The following AMBRA1 variants were observed in gnomAD, a reference collection of about 807,000 sequenced individuals.
AMBRA1 encodes the protein autophagy and beclin 1 regulator 1.
A neutral mutation model predicts 125.4 loss-of-function variants in AMBRA1; 47 were observed. The ratio of observed to expected loss-of-function variants is 0.37; its 90% CI spans 0.30 to 0.48. AMBRA1 has a LOEUF of 0.48. Among genes scored for constraint, AMBRA1 ranks in the 20% least tolerant of loss-of-function variants. The pLI, the probability that AMBRA1 is intolerant of heterozygous loss-of-function variation, is 0.99. For missense variants in AMBRA1, 1,331 were observed against 1,693.4 expected (o/e 0.79, Z 3.76); for synonymous variants, 626 against 655.5 (o/e 0.95, Z 0.69).
chr11:46,570,408 G>A (rs562700186), intron 1 of AMBRA1, among the ~76,000 whole-genome samples: 1 of 152,016 alleles, frequency 6.6e-6, no homozygotes, highest in East Asian at 1.9e-4. Flanking sequence ...AAAATGACAA[G>A]TGGAGATAAT....
chr11:46,586,093 T>C (rs1461887361), intron 1 of AMBRA1, among the ~76,000 whole-genome samples: 2 of 152,118 alleles, frequency 1.3e-5, no homozygotes, highest in African/African-American at 4.8e-5. Flanking sequence ...CATTAGCCAC[T>C]GCACCCAGCC....
chr11:46,464,979 G>A (rs1949261561), intron 11 of AMBRA1, among the ~76,000 whole-genome samples: 1 of 152,114 alleles, frequency 6.6e-6, no homozygotes, highest in African/African-American at 2.4e-5. Context: ...GGGAGGTGGA[G>A]GTTGCAGTGA....
intron 11 of AMBRA1, among the ~76,000 whole-genome samples, chr11:46,461,050 C>T (rs572403802): frequency 6.6e-6 from 1 of 152,176 alleles, no homozygotes; most frequent in Non-Finnish European, 1.5e-5. Context: ...CGAGACCAGC[C>T]TCAGCAATCT....
intron 11 of AMBRA1, among the ~76,000 whole-genome samples, chr11:46,486,135 C>A (rs1950260091): frequency 6.6e-6 from 1 of 152,176 alleles, no homozygotes; most frequent in Non-Finnish European, 1.5e-5. Context: ...ACCAGTACCA[C>A]CACCACTAAT....
chr11:46,408,322 T>C (rs1946123168), intron 17 of AMBRA1, among the ~76,000 whole-genome samples, 191 bp downstream of exon 17: 1 of 152,152 alleles, frequency 6.6e-6, no homozygotes, highest in South Asian at 2.1e-4. Context: ...ATCAGTGTAC[T>C]TGGTGGGAGT....
At chr11:46,456,090 G>C (rs183948804) in intron 11 of AMBRA1, among the ~76,000 whole-genome samples, 4 of 152,262 alleles carry the variant, frequency 2.6e-5, no homozygotes, top group Admixed American at 2.6e-4. Flanking sequence ...TCAAAGAAAT[G>C]AGTATCATTA....
chr11:46,452,332 G>T (rs527461497), intron 11 of AMBRA1, among the ~76,000 whole-genome samples: 3 of 151,998 alleles, frequency 2.0e-5, no homozygotes, highest in Non-Finnish European at 2.9e-5. Context: ...TTATTTTAAG[G>T]TTTTTTGTTG....
Position 46,400,473 on chromosome 11 carries a change from G to GTTTTTTTTTTTTTTTTTTTTTTTTTTTT in AMBRA1, c.3404-2558_3404-2531dup, listed in dbSNP as rs553040136. Among the ~76,000 whole-genome samples the GTTTTTTTTTTTTTTTTTTTTTTTTTTTT allele has an allele frequency of 6.1e-5, 3 of 48,892 alleles. 1 individual carries two copies. Among genetic ancestry groups the GTTTTTTTTTTTTTTTTTTTTTTTTTTTT allele is most frequent in the African/African-American group, 1.9e-4 (3 of 15,492 alleles). 32.1% of individuals were successfully genotyped at this position (48,892 alleles called of 152,430 possible). A position where few individuals can be genotyped will look rare whatever the true frequency, so the allele number is the denominator to read the frequency against. ...CCTCATGCTTCTAGTTCTTTCTATA[G>GTTTTTTTTTTTTTTTTTTTTTTTTTTTT]TTTTTTTTTTTTTTTTTTTTTTTTT... On this transcript the variant is annotated intron_variant, in intron 17 of 17. Coordinates refer to ENST00000683756, the MANE Select transcript of AMBRA1 (RefSeq NM_001387011.1).
chr11:46,475,553 C>A (rs1454391013), intron 11 of AMBRA1, among the ~76,000 whole-genome samples: 1 of 152,156 alleles, frequency 6.6e-6, no homozygotes, highest in East Asian at 1.9e-4. Context: ...ACAGAGGAAT[C>A]CTAGGATAAT....
In AMBRA1 at chr11:46,471,408, C is replaced by T. The variant is rs1046414570; in HGVS notation, c.2521+22200G>A. Among the ~76,000 whole-genome samples, 6 of 151,976 alleles carry T rather than the reference C, an allele frequency of 3.9e-5. No homozygotes were observed. The South Asian group carries it at 1.2e-3, about 32-fold the overall frequency. On this transcript the variant is annotated intron_variant, in intron 11 of 17. Coordinates refer to ENST00000683756, the MANE Select transcript of AMBRA1 (RefSeq NM_001387011.1). The stretch of plus-strand genomic sequence containing the variant: ...CCTAGCTAACACGGTGAAACCCCAT[C>T]TCTACTAAAAATACAAAAAATTAGC...
intron 7 of AMBRA1, among the ~76,000 whole-genome samples, chr11:46,523,347 C>T (rs192230777): frequency 6.6e-6 from 1 of 152,174 alleles, no homozygotes; most frequent in East Asian, 1.9e-4. Flanking sequence ...AATTTCTCCA[C>T]CATTTCCCTC....
At chr11:46,557,559 G>GC (rs146850974) in intron 1 of AMBRA1, among the ~76,000 whole-genome samples, 11,209 of 152,220 alleles carry the variant, frequency 0.074, 617 homozygotes, top group Middle Eastern at 0.12. Context: ...TGTAATCCCT[G>GC]CCCTGGGAGG....
intron 7 of AMBRA1, among the ~76,000 whole-genome samples, chr11:46,540,018 G>C (rs879401738): frequency 6.6e-6 from 1 of 152,118 alleles, no homozygotes; most frequent in Non-Finnish European, 1.5e-5. Flanking sequence ...TTTTAGTAGA[G>C]ATGGGGATTT....
In AMBRA1 at chr11:46,450,076, A is replaced by G. The variant is rs979045592; in HGVS notation, c.2522-6478T>C. Among the ~76,000 whole-genome samples, 14 of 151,850 alleles carry G rather than the reference A, an allele frequency of 9.2e-5. No individual in the cohort carries two copies. In the South Asian group the frequency reaches 1.0e-3, roughly 11 times the overall value. On this transcript the variant is annotated intron_variant, in intron 11 of 17. Coordinates refer to ENST00000683756, the MANE Select transcript of AMBRA1 (RefSeq NM_001387011.1). Reference sequence around the variant, plus strand: ...TGTCTCAAAAAAAAAAAAAAAAACAACTAATGTCCACACAAACACCTACAC... The same window carrying G: ...TGTCTCAAAAAAAAAAAAAAAAACAGCTAATGTCCACACAAACACCTACAC...
chr11:46,492,932 C>T (rs1035368427), intron 11 of AMBRA1, among the ~76,000 whole-genome samples: 11 of 152,200 alleles, frequency 7.2e-5, no homozygotes, highest in Non-Finnish European at 1.3e-4. Flanking sequence ...ACCTGTAGTC[C>T]TAGCTACTCG....
At chr11:46,400,176 G>T (rs576070039) in intron 17 of AMBRA1, among the ~76,000 whole-genome samples, 151 of 152,306 alleles carry the variant, frequency 9.9e-4, no homozygotes, top group Admixed American at 2.4e-3. Flanking sequence ...CTCTGAGGCT[G>T]CGAGGGATGG....
At position 46,533,940 on chromosome 11, in the gene AMBRA1, G is replaced by A. The variant is rs916631021; in HGVS notation, c.2072+8005C>T. Among the ~76,000 whole-genome samples the A allele has an allele frequency of 5.3e-5, 8 of 151,498 alleles. No homozygotes were observed. The South Asian group carries it at 1.3e-3, about 24-fold the overall frequency. ...CAAGCATCTCAGAGATTTTGCATTC[G>A]CCCTTTCCTCTGTCTAAAATGTCCT... On this transcript the variant is annotated intron_variant, in intron 7 of 17. Coordinates refer to ENST00000683756, the MANE Select transcript of AMBRA1 (RefSeq NM_001387011.1).
intron 15 of AMBRA1, among the ~76,000 whole-genome samples, chr11:46,414,111 C>T (rs1946420607): frequency 6.6e-6 from 1 of 152,238 alleles, no homozygotes; most frequent in South Asian, 2.1e-4. Context: ...TGAGCTCCCT[C>T]AGTGTCACGA....
At chr11:46,515,613 C>T (rs1295028338) in intron 7 of AMBRA1, among the ~76,000 whole-genome samples, 1 of 152,228 alleles carries the variant, frequency 6.6e-6, no homozygotes, top group Non-Finnish European at 1.5e-5. Context: ...ATTAGGAATG[C>T]TGTAAAGGAG....
Sources: allele counts gnomAD v4.1 joint callset (sites outside exome capture counted in the v4.1 genomes callset), GRCh38; gene constraint gnomAD v4.1.1; transcripts MANE v1.5; gene names NCBI Gene and HGNC (gene_info 2026-07-23, HGNC 2026-07-21).